The following ZHX3 variants were observed in gnomAD, a reference collection of about 807,000 sequenced individuals.
ZHX3 encodes zinc fingers and homeoboxes protein 3.
In ZHX3, 20 loss-of-function variants were observed where a neutral mutation model predicts 64.5. The observed-to-expected ratio is 0.31, with a 90% CI of 0.22 to 0.45. The LOEUF (loss-of-function observed/expected upper bound fraction) is 0.45, where lower values mean the gene tolerates loss of function less well. ZHX3 is among the 20% of genes least tolerant of loss of function. ZHX3 has a pLI of 1.00. For synonymous variants in ZHX3, 423 were observed against 461.6 expected, an observed-to-expected ratio of 0.92 and a Z score of 1.07; for missense variants, 1,041 against 1,195.8, an observed-to-expected ratio of 0.87 and a Z score of 1.91.
intron 1 of ZHX3, among the ~76,000 whole-genome samples, chr20:41,287,071 T>C (rs1373064358): frequency 7.9e-5 from 12 of 152,230 alleles, no homozygotes; most frequent in African/African-American, 2.7e-4. Flanking sequence ...AGTATAAGAA[T>C]AGACTAATAC....
In ZHX3 at chr20:41,212,286, C is replaced by T. The variant is rs146328322; in HGVS notation, c.-150-7220G>A. ...CCAGTAAAGCACATAAAAAACTGCT[C>T]AACATCATTAGTTATTAGGAAAACA... On this transcript the variant is annotated intron_variant, in intron 2 of 3. Coordinates refer to ENST00000683867, the MANE Select transcript of ZHX3 (RefSeq NM_001384317.1). The surrounding 1 kb of genome is among the most constrained non-coding windows in gnomAD (Gnocchi z 4.3). 1.3e-3 allele frequency among the ~76,000 whole-genome samples: 194 copies of T among 152,194 alleles called. 1 individual carries two copies. In the East Asian group the frequency reaches 0.032, roughly 25 times the overall value.
chr20:41,302,804 TC>T (rs1194632954), intron 1 of ZHX3, among the ~76,000 whole-genome samples: 1 of 152,224 alleles, frequency 6.6e-6, no homozygotes. Flanking sequence ...GCCCCCTCCA[TC>T]CCCACAGGTG....
intron 1 of ZHX3, among the ~76,000 whole-genome samples, chr20:41,299,258 T>A (rs2044692930): frequency 6.6e-6 from 1 of 152,190 alleles, no homozygotes; most frequent in Non-Finnish European, 1.5e-5. Flanking sequence ...CTCTATAATG[T>A]TTTTTCTTAA....
In ZHX3 at chr20:41,209,403, C is replaced by A. The variant is rs144524230; in HGVS notation, c.-150-4337G>T. On this transcript the variant is annotated intron_variant, in intron 2 of 3. Coordinates refer to ENST00000683867, the MANE Select transcript of ZHX3 (RefSeq NM_001384317.1). ...CCAAGACTATCCTAAGTCAAAAGAACAAACTTGGAGGCATCATGCTACTTG... is the reference window on the plus strand; with the variant it reads ...CCAAGACTATCCTAAGTCAAAAGAAAAAACTTGGAGGCATCATGCTACTTG... 6.8e-3 allele frequency among the ~76,000 whole-genome samples: 1,038 copies of A among 152,276 alleles called. 8 individuals are homozygous for A. Among genetic ancestry groups the A allele is most frequent in the Non-Finnish European group, 8.9e-3 (602 of 68,020 alleles).
At chr20:41,268,522 T>A (rs1478848483) in intron 2 of ZHX3, among the ~76,000 whole-genome samples, 5 of 152,236 alleles carry the variant, frequency 3.3e-5, no homozygotes, top group Admixed American at 6.5e-5. Flanking sequence ...GGTTTCCTAT[T>A]CCACAGATCC....
intron 2 of ZHX3, among the ~76,000 whole-genome samples, chr20:41,223,982 A>G (rs2040110290): frequency 6.6e-6 from 1 of 152,208 alleles, no homozygotes; most frequent in Non-Finnish European, 1.5e-5. Context: ...AAAACTATAT[A>G]TTATATATTG....
chr20:41,236,765 A>T (rs1022641490), intron 2 of ZHX3, among the ~76,000 whole-genome samples: 8 of 152,242 alleles, frequency 5.3e-5, no homozygotes, highest in African/African-American at 1.9e-4. Flanking sequence ...GCCAAAATTG[A>T]CAAATGGGAT....
intron 2 of ZHX3, 29 bp from the exon 3 acceptor site, chr20:41,205,095 G>C: frequency 9.4e-7 from 1 of 1,062,334 alleles, no homozygotes; most frequent in South Asian, 2.9e-5. Context: ...AAATGATTAA[G>C]TTCTCTTAAG....
rs138115505 is a variant in ZHX3, at chr20:41,207,972, A to G, written c.-150-2906T>C. 3.6e-3 allele frequency among the ~76,000 whole-genome samples: 551 copies of G among 152,362 alleles called. 5 individuals carry two copies. Among genetic ancestry groups the G allele is most frequent in the African/African-American group, 0.013 (527 of 41,588 alleles). ...AGACTAATAAAGAAGAAAAGAGAGA[A>G]GAATCAAATAGACACAATAACAAAC... On this transcript the variant is annotated intron_variant, in intron 2 of 3. Coordinates refer to ENST00000683867, the MANE Select transcript of ZHX3 (RefSeq NM_001384317.1).
At position 41,184,817 on chromosome 20, in the gene ZHX3, G is replaced by A. The variant is rs924869311; in HGVS notation, c.*374C>T. The stretch of plus-strand genomic sequence containing the variant: ...CTGCTTGGCTAACCAAAGTTTCTAC[G>A]TAATGACAGTGTTGATAATCTGATG... On this transcript the variant is annotated 3_prime_UTR_variant, in exon 4 of 4. Coordinates refer to ENST00000683867, the MANE Select transcript of ZHX3 (RefSeq NM_001384317.1). 3.8e-5 allele frequency: 52 copies of A among 1,359,670 alleles called. No homozygotes were observed. The highest frequency in any genetic ancestry group is 5.9e-5 in the African/African-American group (4 of 68,338). 84.2% of individuals were successfully genotyped at this position (1,359,670 alleles called of 1,614,324 possible).
chr20:41,257,466 C>T (rs1000305420), intron 2 of ZHX3, among the ~76,000 whole-genome samples: 1 of 152,176 alleles, frequency 6.6e-6, no homozygotes, highest in African/African-American at 2.4e-5. Flanking sequence ...ATTTTACCCA[C>T]TTATAGAAGG....
chr20:41,251,150 A>T (rs978815294), intron 2 of ZHX3, among the ~76,000 whole-genome samples: 4 of 118,452 alleles, frequency 3.4e-5, no homozygotes, highest in Non-Finnish European at 6.7e-5. Flanking sequence ...AAAAGGCAGA[A>T]ATATGGGGAG....
At chr20:41,234,638 A>G (rs893539550) in intron 2 of ZHX3, among the ~76,000 whole-genome samples, 1 of 152,218 alleles carries the variant, frequency 6.6e-6, no homozygotes, top group Non-Finnish European at 1.5e-5. Context: ...CTCGCGAGGG[A>G]AAAAGGGAAA....
intron 1 of ZHX3, among the ~76,000 whole-genome samples, chr20:41,284,501 C>T (rs2043840882): frequency 6.6e-6 from 1 of 152,134 alleles, no homozygotes; most frequent in Non-Finnish European, 1.5e-5. Context: ...ACCCAAGTGC[C>T]CAACCCCTCA....
At chr20:41,316,629 G>C (rs893681986) in intron 1 of ZHX3, among the ~76,000 whole-genome samples, 1 of 152,166 alleles carries the variant, frequency 6.6e-6, no homozygotes, top group Admixed American at 6.5e-5. Flanking sequence ...ACAGAAAGGA[G>C]CATTCCTTCC....
At position 41,203,517 on chromosome 20, in the gene ZHX3, G is replaced by C; in HGVS notation, c.1400C>G (p.Thr467Arg). The change falls in exon 3 of 4, where the codon ACG (threonine) becomes AGG (arginine). Residue 467 changes from threonine (T) to arginine (R), a missense_variant. Thr to Arg is a moderately conservative substitution (Grantham distance 71). This residue lies in a region of ZHX3 where 649 missense variants were observed against 739.8 expected (regional missense o/e 0.88). Transcript: ENST00000683867. This position sits in a 1 kb window ranked among gnomAD's most constrained non-coding sequence, Gnocchi z 7.1. The part of the protein sequence containing the change: ...APINTVCSNT[T>R]SAVKVVNAAQ... ...CGCATTGACCACCTTCACAGCTGAC[G>C]TTGTATTTGAACACACAGTGTTAAT... 1 of 1,614,172 alleles carries C rather than the reference G, an allele frequency of 6.2e-7. No individual in the cohort carries two copies. The highest frequency in any genetic ancestry group is 1.1e-5 in the South Asian group (1 of 91,082).
chr20:41,297,172 G>C (rs539316609), intron 1 of ZHX3, among the ~76,000 whole-genome samples: 2 of 152,258 alleles, frequency 1.3e-5, no homozygotes, highest in African/African-American at 2.4e-5. Context: ...TGGCAGTTCT[G>C]GGGTTTCAGA....
chr20:41,272,498 C>T (rs1173352097), intron 1 of ZHX3, among the ~76,000 whole-genome samples: 1 of 152,078 alleles, frequency 6.6e-6, no homozygotes, highest in Non-Finnish European at 1.5e-5. Context: ...CCAAAATGAA[C>T]CTTGTACTCA....
chr20:41,272,084 A>G (rs751286782), intron 1 of ZHX3: 1 of 152,232 alleles, frequency 6.6e-6, no homozygotes, highest in Non-Finnish European at 1.5e-5. Flanking sequence ...TATCAGACCA[A>G]TGTGGTCTGA....
Sources: gnomAD v4.1 joint callset for allele counts (sites outside exome capture counted in the v4.1 genomes callset) on GRCh38, gnomAD v4.1.1 for gene constraint, gnomAD v4.1.1 regional missense constraint, Gnocchi (gnomAD v3.1) non-coding constraint, MANE v1.5 for transcripts, NCBI Gene and HGNC (gene_info 2026-07-23, HGNC 2026-07-21) for gene names.